PDS5B: variants seen among roughly 807,000 people sequenced by gnomAD.
PDS5B encodes the protein PDS5 cohesin associated factor B, also known as sister chromatid cohesion protein PDS5 homolog B.
Under a neutral mutation model 184.1 loss-of-function variants are expected in PDS5B, and 51 were observed. The observed-to-expected ratio is 0.28, with a 90% confidence interval of 0.22 to 0.35. PDS5B has a LOEUF of 0.35. PDS5B is among the 10% of genes least tolerant of loss of function. The probability of loss-of-function intolerance (pLI) is 1.00; values close to 1 mark genes in which losing one functional copy is unlikely to be tolerated. For synonymous variants in PDS5B, 566 were observed against 569.2 expected (o/e 0.99, Z 0.08); for missense variants, 1,180 against 1,723.3 (o/e 0.68, Z 5.58).
rs555969012 is a variant in PDS5B at position 32,776,784 on chromosome 13, T to C, written c.*1732T>C. 2 of 152,640 alleles carry C rather than the reference T, an allele frequency of 1.3e-5. No individual in the cohort carries two copies. Among genetic ancestry groups the C allele is most frequent in the African/African-American group, 4.8e-5 (2 of 41,578 alleles). 9.5% of individuals were successfully genotyped at this position (152,640 alleles called of 1,614,324 possible). A position where few individuals can be genotyped will look rare whatever the true frequency, so the allele number is the denominator to read the frequency against. On this transcript the variant is annotated 3_prime_UTR_variant, in exon 35 of 35. Coordinates refer to ENST00000315596, the MANE Select transcript of PDS5B (RefSeq NM_015032.4). ...TTGCCAATGTATATTGCAATTGATG[T>C]GATTATTTTTCTTTTAAAGATTTGT...
chr13:32,655,919 G>T (rs999735489), intron 3 of PDS5B, among the ~76,000 whole-genome samples: 1 of 152,046 alleles, frequency 6.6e-6, no homozygotes, highest in Admixed American at 6.6e-5. Flanking sequence ...GTCCAGAATG[G>T]TATTTCCTAG....
intron 19 of PDS5B, among the ~76,000 whole-genome samples, chr13:32,714,674 A>G (rs898497927): frequency 1.5e-4 from 23 of 152,222 alleles, no homozygotes; most frequent in Admixed American, 1.4e-3. Flanking sequence ...GAAGAGAAAT[A>G]CGGCTCTGTT....
In PDS5B at chr13:32,773,336, A is replaced by G. The variant is rs754127377; in HGVS notation, c.4308+12A>G. On this transcript the variant is annotated intron_variant, in intron 34 of 34. Coordinates refer to ENST00000315596, the MANE Select transcript of PDS5B (RefSeq NM_015032.4). ...TTTCTACAGTAAATGTATGTGTTCA[A>G]AGTTTCTGTGAGTGGTGTGGGATAT... 1.2e-5 allele frequency: 19 copies of G among 1,603,622 alleles called. No homozygotes were observed. The East Asian group carries it at 2.7e-4, about 23-fold the overall frequency.
intron 24 of PDS5B, among the ~76,000 whole-genome samples, chr13:32,749,904 T>G (rs1953912989): frequency 6.6e-6 from 1 of 152,212 alleles, no homozygotes; most frequent in Non-Finnish European, 1.5e-5. Context: ...TATCCAGTGT[T>G]TGCTTTTTTG....
At chr13:32,603,028 C>G (rs1412956718) in intron 1 of PDS5B, among the ~76,000 whole-genome samples, 2 of 152,182 alleles carry the variant, frequency 1.3e-5, no homozygotes, top group African/African-American at 4.8e-5. Flanking sequence ...TAAAAACTTT[C>G]TCCCATTCTG....
intron 22 of PDS5B, 74 bp downstream of exon 22, chr13:32,741,222 A>G (rs1387074686): frequency 7.2e-6 from 6 of 832,238 alleles, no homozygotes; most frequent in South Asian, 3.2e-5. Context: ...TAAAATTTCT[A>G]TTTCTATTGG....
At position 32,694,256 on chromosome 13, in the gene PDS5B, G is replaced by A. The variant is rs1951636365; in HGVS notation, c.1503G>A (p.Leu501=). The change falls in exon 14 of 35, where the codon CTG becomes CTA. Residue 501 remains leucine, a synonymous_variant. Coordinates refer to ENST00000315596, the MANE Select transcript of PDS5B (RefSeq NM_015032.4). ...ALNEMWKCQN[L]LRHQVKDLLD... ...ATGAAATGTGGAAATGTCAAAATCT[G>A]CTCCGACATCAAGTAAAGGATTTGC... 4 of 1,602,954 alleles carry A rather than the reference G, an allele frequency of 2.5e-6. No individual in the cohort carries two copies. Among genetic ancestry groups the A allele is most frequent in the Non-Finnish European group, 3.4e-6 (4 of 1,175,706 alleles).
intron 30 of PDS5B, among the ~76,000 whole-genome samples, chr13:32,762,065 G>A (rs1267379452): frequency 6.6e-6 from 1 of 152,174 alleles, no homozygotes; most frequent in Non-Finnish European, 1.5e-5. Context: ...TAGCGATGAT[G>A]AGCATTTTTT....
chr13:32,760,535 C>T, intron 29 of PDS5B, 40 bp from the exon 30 acceptor site: 1 of 1,598,990 alleles, frequency 6.3e-7, no homozygotes, highest in Non-Finnish European at 8.5e-7. Flanking sequence ...TTTCTTTTGG[C>T]TTTAACCAAA....
chr13:32,621,058 C>G (rs1417019590), intron 1 of PDS5B, among the ~76,000 whole-genome samples: 1 of 152,180 alleles, frequency 6.6e-6, no homozygotes, highest in East Asian at 1.9e-4. Context: ...GTGGAAAATT[C>G]TGTTAGTGCT....
chr13:32,646,036 A>G (rs1950213903), intron 1 of PDS5B, among the ~76,000 whole-genome samples: 1 of 151,042 alleles, frequency 6.6e-6, no homozygotes, highest in African/African-American at 2.4e-5. Context: ...GACAAGGTCC[A>G]CTCTGTCATT....
At chr13:32,621,694 A>T (rs943307294) in intron 1 of PDS5B, among the ~76,000 whole-genome samples, 1 of 152,136 alleles carries the variant, frequency 6.6e-6, no homozygotes, top group Non-Finnish European at 1.5e-5. Flanking sequence ...AGGAAATAAC[A>T]TCTAAAATAG....
At chr13:32,682,761 G>A (rs749757579) in intron 10 of PDS5B, among the ~76,000 whole-genome samples, 10 of 152,186 alleles carry the variant, frequency 6.6e-5, no homozygotes, top group Non-Finnish European at 1.0e-4. Context: ...GTCATTTAGC[G>A]TCCTTGACAA....
chr13:32,648,857 G>T lies in PDS5B; in HGVS notation c.85G>T (p.Glu29Ter). 6.7e-7 allele frequency: 1 copy of T among 1,491,774 alleles called. No homozygotes were observed. The highest frequency in any genetic ancestry group is 1.1e-5 in the South Asian group (1 of 88,616). The allele number at this position is 1,491,774 out of a possible 1,614,324, so 92.4% of individuals were successfully genotyped here. The change falls in exon 2 of 35, where the codon GAG becomes TAG. Residue 29 changes from glutamate (E) to a stop codon, truncating the protein, a stop_gained. Coordinates refer to ENST00000315596, the MANE Select transcript of PDS5B (RefSeq NM_015032.4). LOFTEE classifies it high-confidence loss of function. ...GGAAATATCAGATAAAATATCTAAA[G>T]AGGAGATGGTGAGACGATTAAAGGT... is the stretch of plus-strand genomic sequence containing the variant. ...VKEISDKISK[E>*]EMVRRLKMVV...
intron 18 of PDS5B, among the ~76,000 whole-genome samples, chr13:32,708,528 A>G (rs1436421444): frequency 1.3e-5 from 2 of 152,176 alleles, no homozygotes; most frequent in Admixed American, 1.3e-4. Flanking sequence ...TTCTTGGAGC[A>G]ATATATATTT....
Position 32,753,849 on chromosome 13 carries a change from G to T in PDS5B, c.2941+313G>T, listed in dbSNP as rs191659690. ...GATTGAGCATTATCTTATTTTAATT[G>T]GAAAAAAGTACAAGACTTTGATCTT... On this transcript the variant is annotated intron_variant, in intron 25 of 34. Transcript: ENST00000315596. 5.3e-5 allele frequency among the ~76,000 whole-genome samples: 8 copies of T among 152,072 alleles called. No homozygotes were observed. In the East Asian group the frequency reaches 1.5e-3, roughly 29 times the overall value.
At position 32,659,229 on chromosome 13, in the gene PDS5B, G is replaced by A. The variant is rs771185528; in HGVS notation, c.573G>A (p.Val191=). 66 of 1,599,668 alleles carry A rather than the reference G, an allele frequency of 4.1e-5. No individual in the cohort carries two copies. In the Admixed American group the frequency reaches 1.0e-3, roughly 24 times the overall value. The change falls in exon 6 of 35, where the codon GTG becomes GTA. Residue 191 remains valine, a synonymous_variant. Coordinates refer to ENST00000315596, the MANE Select transcript of PDS5B (RefSeq NM_015032.4). The part of the protein sequence containing the change: ...MSSIICEGDT[V]SQELLDTVLV... ...CTATTATTTGTGAAGGTGATACAGT[G>A]TCTCAGGAGCTTTTGGATACGGTTT... is the stretch of plus-strand genomic sequence containing the variant.
intron 13 of PDS5B, 190 bp downstream of exon 13, chr13:32,688,759 C>A: frequency 2.0e-6 from 1 of 494,032 alleles, no homozygotes; most frequent in South Asian, 3.0e-5. Flanking sequence ...TAAGCCATTA[C>A]AAGCAATTGA....
chr13:32,629,476 T>TA (rs1260354661), intron 1 of PDS5B, among the ~76,000 whole-genome samples: 1 of 152,178 alleles, frequency 6.6e-6, no homozygotes, highest in African/African-American at 2.4e-5. Context: ...CATTGAGGGA[T>TA]AAAAAGGGGT....
Sources: gnomAD v4.1 joint callset for allele counts (sites outside exome capture counted in the v4.1 genomes callset) on GRCh38, gnomAD v4.1.1 for gene constraint, MANE v1.5 for transcripts, NCBI Gene and HGNC (gene_info 2026-07-23, HGNC 2026-07-21) for gene names.